TRPM3: variants seen among roughly 807,000 people sequenced by gnomAD.
The protein encoded by TRPM3 is transient receptor potential cation channel subfamily M member 3.
TRPM3 carries 77 observed loss-of-function variants against 181.2 expected under a neutral mutation model. The ratio of observed to expected loss-of-function variants is 0.42; its 90% CI spans 0.35 to 0.51. The LOEUF (loss-of-function observed/expected upper bound fraction) is 0.51. TRPM3 is among the 20% of genes least tolerant of loss of function. TRPM3 has a pLI of 0.01. For missense variants in TRPM3, 1,759 were observed against 2,196.7 expected (o/e 0.80, Z 3.98); for synonymous variants, 745 against 796.4 (o/e 0.94, Z 1.09).
At chr9:71,074,650 G>A (rs2063210517) in intron 1 of TRPM3, among the ~76,000 whole-genome samples, 1 of 152,156 alleles carries the variant, frequency 6.6e-6, no homozygotes, top group African/African-American at 2.4e-5. Flanking sequence ...TCACAGGGTG[G>A]TTGTAAGCAT....
intron 1 of TRPM3, among the ~76,000 whole-genome samples, chr9:71,210,142 A>C (rs1025679400): frequency 2.6e-5 from 4 of 152,200 alleles, no homozygotes; most frequent in African/African-American, 9.6e-5. Flanking sequence ...GCCTCCTGTC[A>C]GATCAGCTGC....
intron 1 of TRPM3, among the ~76,000 whole-genome samples, chr9:71,007,084 T>A (rs1212198694): frequency 1.6e-3 from 89 of 55,484 alleles, no homozygotes; most frequent in African/African-American, 2.6e-3. Context: ...AAAGACTAAG[T>A]CAGGAACAGA....
intron 1 of TRPM3, among the ~76,000 whole-genome samples, chr9:71,174,450 G>C (rs1244259837): frequency 6.6e-6 from 1 of 152,102 alleles, no homozygotes; most frequent in African/African-American, 2.4e-5. Context: ...GCTGAAGCAG[G>C]AGAATCAGTT....
At chr9:70,782,852 T>C (rs1370734287) in intron 7 of TRPM3, among the ~76,000 whole-genome samples, 1 of 152,088 alleles carries the variant, frequency 6.6e-6, no homozygotes, top group Non-Finnish European at 1.5e-5. Context: ...ATGCCTCTTG[T>C]TATTCCTCAT....
At chr9:71,337,853 G>A (rs1218554597) in intron 1 of TRPM3, among the ~76,000 whole-genome samples, 1 of 152,114 alleles carries the variant, frequency 6.6e-6, no homozygotes, top group South Asian at 2.1e-4. Context: ...AACACCACGT[G>A]TTCTCACTCA....
intron 1 of TRPM3, among the ~76,000 whole-genome samples, chr9:71,190,464 A>G (rs1164392959): frequency 6.6e-6 from 1 of 151,912 alleles, no homozygotes; most frequent in Non-Finnish European, 1.5e-5. Flanking sequence ...TTCAATGACA[A>G]CAATCTTTTC....
At chr9:71,339,698 T>C (rs2090820829) in intron 1 of TRPM3, among the ~76,000 whole-genome samples, 1 of 152,074 alleles carries the variant, frequency 6.6e-6, no homozygotes, top group South Asian at 2.1e-4. Context: ...GGCAAAGCTA[T>C]AGGACTAGAC....
At chr9:70,612,097 T>A (rs1394931386) in intron 18 of TRPM3, among the ~76,000 whole-genome samples, 1 of 152,228 alleles carries the variant, frequency 6.6e-6, no homozygotes, top group East Asian at 1.9e-4. Flanking sequence ...ACTTAGTAAG[T>A]GCTCAGTAAA....
At chr9:70,968,254 C>T (rs2097205195) in intron 1 of TRPM3, among the ~76,000 whole-genome samples, 1 of 151,952 alleles carries the variant, frequency 6.6e-6, no homozygotes, top group African/African-American at 2.4e-5. Context: ...AGCAAAAACA[C>T]TTAAAGATTA....
rs763739542 is a variant in TRPM3, at chr9:71,121,378, A to G, written c.-24T>C. The G allele has an allele frequency of 1.9e-6, 3 of 1,610,716 alleles. No homozygotes were observed. The highest frequency in any genetic ancestry group is 1.7e-5 in the Admixed American group (1 of 59,718). ...ATCCCATGGTCATCTCCACACCTGC[A>G]AATTCCATTAGGGCAGAGGCTTCCT... On this transcript the variant is annotated 5_prime_UTR_variant, in exon 1 of 26. Transcript: ENST00000677713.
intron 1 of TRPM3, among the ~76,000 whole-genome samples, chr9:71,054,905 A>G (rs1443362082): frequency 1.3e-5 from 2 of 152,122 alleles, no homozygotes; most frequent in Non-Finnish European, 2.9e-5. Flanking sequence ...GTAGCTTATA[A>G]TAACTTACAG....
intron 1 of TRPM3, among the ~76,000 whole-genome samples, chr9:71,385,469 C>T (rs979747622): frequency 1.3e-5 from 2 of 152,080 alleles, no homozygotes; most frequent in Admixed American, 1.3e-4. Flanking sequence ...GGATTCCATA[C>T]AAAGACCCAG....
chr9:70,641,108 C>A (rs1189964954), intron 9 of TRPM3, among the ~76,000 whole-genome samples: 3 of 152,106 alleles, frequency 2.0e-5, no homozygotes, highest in Non-Finnish European at 4.4e-5. Flanking sequence ...TGCCAAATGC[C>A]CCCATGTGTG....
chr9:71,275,434 T>C (rs1329840542), intron 1 of TRPM3, among the ~76,000 whole-genome samples: 3 of 152,122 alleles, frequency 2.0e-5, no homozygotes, highest in African/African-American at 7.2e-5. Flanking sequence ...ATTGCAAAAA[T>C]GTTACTTGAT....
intron 1 of TRPM3, among the ~76,000 whole-genome samples, chr9:71,118,595 A>G (rs1305407608): frequency 6.6e-6 from 1 of 152,220 alleles, no homozygotes; most frequent in Admixed American, 6.5e-5. Flanking sequence ...TAATCAAGCC[A>G]TCAGGACCTA....
At chr9:70,656,669 TG>T (rs1194857565) in intron 9 of TRPM3, among the ~76,000 whole-genome samples, 1 of 152,166 alleles carries the variant, frequency 6.6e-6, no homozygotes, top group Admixed American at 6.6e-5. Context: ...GCAAATGTAA[TG>T]GGATAAGCAC....
At chr9:71,373,426 T>G (rs2092582726) in intron 1 of TRPM3, among the ~76,000 whole-genome samples, 1 of 151,456 alleles carries the variant, frequency 6.6e-6, no homozygotes, top group South Asian at 2.1e-4. Context: ...ATAAACACAA[T>G]CAGAACTGAT....
intron 3 of TRPM3, among the ~76,000 whole-genome samples, chr9:70,846,848 CT>C (rs2094978742): frequency 6.6e-6 from 1 of 152,166 alleles, no homozygotes; most frequent in Non-Finnish European, 1.5e-5. Flanking sequence ...GCAAGCATGA[CT>C]TTTCCCAGAC....
chr9:70,687,412 C>G (rs2067256993), intron 8 of TRPM3, among the ~76,000 whole-genome samples: 1 of 152,130 alleles, frequency 6.6e-6, no homozygotes, highest in African/African-American at 2.4e-5. Flanking sequence ...TATTTATTTA[C>G]TATAAAATTG....
Sources: allele counts gnomAD v4.1 joint callset (sites outside exome capture counted in the v4.1 genomes callset), GRCh38; gene constraint gnomAD v4.1.1; transcripts MANE v1.5; gene names NCBI Gene and HGNC (gene_info 2026-07-23, HGNC 2026-07-21).